The following SYNDIG1 variants were observed in gnomAD, a reference collection of about 807,000 sequenced individuals.
SYNDIG1 encodes synapse differentiation inducing 1.
SYNDIG1 carries 9 observed loss-of-function variants against 19.4 expected under a neutral mutation model. The ratio of observed to expected loss-of-function variants is 0.46; its 90% confidence interval spans 0.28 to 0.81. The LOEUF is 0.81. Ranked by LOEUF, SYNDIG1 falls within the 30% of genes least tolerant of loss-of-function variation. SYNDIG1 has a pLI of 0.12. For synonymous variants in SYNDIG1, 141 were observed against 145.9 expected, an observed-to-expected ratio of 0.97 and a Z score of 0.24; for missense variants, 311 against 343.3, an observed-to-expected ratio of 0.91 and a Z score of 0.74.
At chr20:24,593,310 T>A (rs1228892574) in intron 3 of SYNDIG1, among the ~76,000 whole-genome samples, 1 of 152,214 alleles carries the variant, frequency 6.6e-6, no homozygotes, top group Non-Finnish European at 1.5e-5. Flanking sequence ...GGTTTTCTGT[T>A]CCTATGTCAG....
At chr20:24,533,151 C>T (rs766722754) in intron 1 of SYNDIG1, among the ~76,000 whole-genome samples, 3 of 152,114 alleles carry the variant, frequency 2.0e-5, no homozygotes, top group Admixed American at 6.5e-5. Context: ...CTGAGGACAC[C>T]GAGACATGCT....
chr20:24,541,372 A>G, intron 1 of SYNDIG1, among the ~76,000 whole-genome samples: 1 of 152,150 alleles, frequency 6.6e-6, no homozygotes, highest in East Asian at 1.9e-4. Flanking sequence ...ATTCACCACG[A>G]CTCATGGTTA....
chr20:24,622,365 C>A (rs1255827955), intron 3 of SYNDIG1, among the ~76,000 whole-genome samples: 1 of 152,182 alleles, frequency 6.6e-6, no homozygotes, highest in Non-Finnish European at 1.5e-5. Context: ...GACAGGAAAT[C>A]CAGGAATGTG....
chr20:24,493,070 T>C (rs2056200297), intron 1 of SYNDIG1, among the ~76,000 whole-genome samples: 1 of 152,258 alleles, frequency 6.6e-6, no homozygotes, highest in African/African-American at 2.4e-5. Context: ...TCAGAAAATT[T>C]AGGGAAACCT....
intron 1 of SYNDIG1, among the ~76,000 whole-genome samples, chr20:24,490,268 C>T (rs1371406969): frequency 1.3e-5 from 2 of 152,204 alleles, no homozygotes; most frequent in Admixed American, 6.5e-5. Context: ...ATGTAAAGCT[C>T]GTCTTTGCGG....
rs187883538 is a variant in SYNDIG1, at chr20:24,595,727, G to T, written c.618+10734G>T. 3.0e-4 allele frequency among the ~76,000 whole-genome samples: 46 copies of T among 152,264 alleles called. 1 individual carries two copies. The East Asian group carries it at 8.7e-3, about 29-fold the overall frequency. On this transcript the variant is annotated intron_variant, in intron 3 of 3. Coordinates refer to ENST00000376862, the MANE Select transcript of SYNDIG1 (RefSeq NM_024893.3). ...TCCTGGTTCAACCTTGGGAGATTTTGTGTTTCCAGCAATGTATCCATTTCT... is the reference window on the plus strand; with the variant it reads ...TCCTGGTTCAACCTTGGGAGATTTTTTGTTTCCAGCAATGTATCCATTTCT...
At chr20:24,602,869 C>A (rs1458745016) in intron 3 of SYNDIG1, among the ~76,000 whole-genome samples, 18 of 152,120 alleles carry the variant, frequency 1.2e-4, no homozygotes, top group Admixed American at 1.2e-3. Context: ...TTTTTAACTA[C>A]AAAATTGGAA....
At chr20:24,642,393 C>T (rs1197184904) in intron 3 of SYNDIG1, among the ~76,000 whole-genome samples, 1 of 152,188 alleles carries the variant, frequency 6.6e-6, no homozygotes, top group Non-Finnish European at 1.5e-5. Flanking sequence ...AGCAGAGTCA[C>T]TCTTTCCCCC....
intron 1 of SYNDIG1, among the ~76,000 whole-genome samples, chr20:24,539,584 T>C (rs945432299): frequency 1.3e-4 from 20 of 152,174 alleles, no homozygotes; most frequent in African/African-American, 3.9e-4. Context: ...TCCATATGAA[T>C]GTTAGAATGG....
At chr20:24,585,169 G>A (rs560226430) in intron 3 of SYNDIG1, among the ~76,000 whole-genome samples, 176 bp downstream of exon 3, 12 of 152,328 alleles carry the variant, frequency 7.9e-5, no homozygotes, top group African/African-American at 1.7e-4. Context: ...CCCTGGGGCC[G>A]GGAGGAGGCA....
intron 3 of SYNDIG1, among the ~76,000 whole-genome samples, chr20:24,626,950 C>G (rs2059152664): frequency 6.6e-6 from 1 of 152,194 alleles, no homozygotes; most frequent in Non-Finnish European, 1.5e-5. Context: ...GCGGCGCGCG[C>G]CTGCAATCGC....
intron 1 of SYNDIG1, among the ~76,000 whole-genome samples, chr20:24,488,771 A>G (rs1255554546): frequency 6.6e-6 from 1 of 152,184 alleles, no homozygotes; most frequent in Non-Finnish European, 1.5e-5. Flanking sequence ...GAAGTTAAAT[A>G]TGGAATACAT....
chr20:24,662,531 A>G (rs1197290216), intron 3 of SYNDIG1, among the ~76,000 whole-genome samples: 1 of 152,042 alleles, frequency 6.6e-6, no homozygotes, highest in Non-Finnish European at 1.5e-5. Flanking sequence ...CTGCGTTCTC[A>G]ATGATGAGTC....
At chr20:24,627,987 A>T (rs1403843192) in intron 3 of SYNDIG1, among the ~76,000 whole-genome samples, 3 of 152,122 alleles carry the variant, frequency 2.0e-5, no homozygotes, top group Non-Finnish European at 4.4e-5. Context: ...TATTCATGTC[A>T]TTGGTGTGCA....
At chr20:24,625,986 C>T (rs1288710942) in intron 3 of SYNDIG1, among the ~76,000 whole-genome samples, 8 of 150,058 alleles carry the variant, frequency 5.3e-5, no homozygotes, top group South Asian at 4.2e-4. Flanking sequence ...GCTGGCCAGG[C>T]GGGGGGCTGG....
At chr20:24,645,611 G>A (rs1034055122) in intron 3 of SYNDIG1, among the ~76,000 whole-genome samples, 2 of 152,204 alleles carry the variant, frequency 1.3e-5, no homozygotes, top group East Asian at 1.9e-4. Flanking sequence ...TGAGCCCTCT[G>A]GGCGAATCCA....
intron 2 of SYNDIG1, among the ~76,000 whole-genome samples, chr20:24,554,160 C>G (rs928629465): frequency 6.6e-6 from 1 of 152,094 alleles, no homozygotes; most frequent in African/African-American, 2.4e-5. Context: ...GATTTTGTAT[C>G]CTGAGACTTT....
At chr20:24,549,407 T>C (rs1329562093) in intron 2 of SYNDIG1, among the ~76,000 whole-genome samples, 2 of 152,198 alleles carry the variant, frequency 1.3e-5, no homozygotes, top group Non-Finnish European at 2.9e-5. Context: ...TATTTTTTTA[T>C]GGCTGAATAG....
chr20:24,569,881 G>C (rs1249472812), intron 2 of SYNDIG1, among the ~76,000 whole-genome samples: 1 of 152,170 alleles, frequency 6.6e-6, no homozygotes, highest in African/African-American at 2.4e-5. Context: ...GCTAGTTGTA[G>C]AACCTAAGTG....
Sources: gnomAD v4.1 joint callset for allele counts (sites outside exome capture counted in the v4.1 genomes callset) on GRCh38, gnomAD v4.1.1 for gene constraint, MANE v1.5 for transcripts, NCBI Gene and HGNC (gene_info 2026-07-23, HGNC 2026-07-21) for gene names.